CHST8: variants seen among roughly 807,000 people sequenced by gnomAD.
CHST8 encodes GALNAC-4-ST1.
CHST8 carries 10 observed loss-of-function variants against 15.0 expected under a neutral mutation model. That is an observed-to-expected ratio of 0.67 (90% CI 0.41 to 1.13). The LOEUF (loss-of-function observed/expected upper bound fraction) is 1.13. Among genes scored for constraint, CHST8 ranks in the 50% most tolerant of loss-of-function variants. The pLI, the probability that CHST8 is intolerant of heterozygous loss-of-function variation, is 0.00. For missense variants in CHST8, 634 were observed against 608.2 expected, an observed-to-expected ratio of 1.04 and a Z score of -0.45; for synonymous variants, 259 against 256.6, an observed-to-expected ratio of 1.01 and a Z score of -0.09.
intron 2 of CHST8, among the ~76,000 whole-genome samples, chr19:33,688,501 C>G (rs975671784): frequency 6.6e-6 from 1 of 152,162 alleles, no homozygotes; most frequent in Non-Finnish European, 1.5e-5. Context: ...GGGCCTCGAG[C>G]ACAGGGACTC....
At chr19:33,735,373 C>T (rs1208779855) in intron 3 of CHST8, among the ~76,000 whole-genome samples, 1 of 152,238 alleles carries the variant, frequency 6.6e-6, no homozygotes, top group East Asian at 1.9e-4. Flanking sequence ...CCCCTGGCAG[C>T]AGGAGAGTGT....
intron 3 of CHST8, among the ~76,000 whole-genome samples, chr19:33,735,024 G>A (rs999710818): frequency 9.8e-5 from 15 of 152,362 alleles, no homozygotes; most frequent in African/African-American, 2.9e-4. Flanking sequence ...TCCCAGCCCA[G>A]GCAAGAAGGA....
intron 4 of CHST8, 56 bp downstream of exon 4, chr19:33,771,506 A>G: frequency 6.4e-7 from 1 of 1,551,412 alleles, no homozygotes; most frequent in Admixed American, 1.7e-5. Context: ...GAAACTGGGG[A>G]GGGCTGGGAA....
At chr19:33,641,050 CCAG>C (rs1972277613) in intron 1 of CHST8, among the ~76,000 whole-genome samples, 1 of 152,190 alleles carries the variant, frequency 6.6e-6, no homozygotes, top group South Asian at 2.1e-4. Context: ...AAGGTCCCTC[CCAG>C]CACCAGAGCA....
chr19:33,772,640 C>A lies in CHST8; in HGVS notation c.852C>A (p.Gly284=). 6.2e-7 allele frequency: 1 copy of A among 1,613,964 alleles called. No individual in the cohort carries two copies. The highest frequency in any genetic ancestry group is 8.5e-7 in the Non-Finnish European group (1 of 1,180,026). Residue 284 remains glycine (G), a synonymous_variant, in exon 5 of 5, where the codon GGC becomes GGA. Transcript: ENST00000650847. ...ACAGCTACTATCACCCGGTCTTCGG[C>A]AAGGCCATCCTGGCCCGGTACCGCG... ...HPNSYYHPVF[G]KAILARYRAN... is the part of the protein sequence containing the mutation.
At chr19:33,725,600 G>A (rs893207384) in intron 3 of CHST8, among the ~76,000 whole-genome samples, 4 of 152,126 alleles carry the variant, frequency 2.6e-5, no homozygotes, top group South Asian at 2.1e-4. Flanking sequence ...CAAATGCGAC[G>A]CAAGCGAAAG....
chr19:33,751,085 G>A (rs1488575377), intron 3 of CHST8, among the ~76,000 whole-genome samples: 2 of 152,186 alleles, frequency 1.3e-5, no homozygotes, highest in African/African-American at 2.4e-5. Flanking sequence ...TGCAGAAAAT[G>A]GAACAAAATG....
intron 3 of CHST8, among the ~76,000 whole-genome samples, chr19:33,730,581 G>A (rs982912172): frequency 1.3e-5 from 2 of 152,228 alleles, no homozygotes; most frequent in Admixed American, 6.5e-5. Flanking sequence ...CAGACCCCAA[G>A]AGAGGGTTAT....
intron 3 of CHST8, among the ~76,000 whole-genome samples, chr19:33,733,976 G>A (rs1301835994): frequency 1.3e-5 from 2 of 152,238 alleles, no homozygotes; most frequent in South Asian, 2.1e-4. Context: ...TGTCAGAGGT[G>A]TGTAAACCAG....
At chr19:33,637,361 G>A (rs1972218229) in intron 1 of CHST8, among the ~76,000 whole-genome samples, 1 of 151,838 alleles carries the variant, frequency 6.6e-6, no homozygotes, top group Non-Finnish European at 1.5e-5. Flanking sequence ...TCTGACAGAA[G>A]GATCCCTGTG....
At chr19:33,761,998 A>T (rs1187030574) in intron 3 of CHST8, among the ~76,000 whole-genome samples, 1 of 152,176 alleles carries the variant, frequency 6.6e-6, no homozygotes, top group African/African-American at 2.4e-5. Flanking sequence ...TACATCACAC[A>T]CACAGGAAGC....
chr19:33,627,262 A>T (rs1260218231), intron 1 of CHST8, among the ~76,000 whole-genome samples: 2 of 145,104 alleles, frequency 1.4e-5, no homozygotes, highest in African/African-American at 5.0e-5. Flanking sequence ...CACCATGCCC[A>T]GCTAATTTTT....
chr19:33,749,766 G>A (rs1402057391), intron 3 of CHST8, among the ~76,000 whole-genome samples: 1 of 152,194 alleles, frequency 6.6e-6, no homozygotes, highest in Non-Finnish European at 1.5e-5. Flanking sequence ...TGAGCCAGGA[G>A]ACCCAGGGTC....
At chr19:33,761,911 G>A (rs983025665) in intron 3 of CHST8, among the ~76,000 whole-genome samples, 1 of 152,166 alleles carries the variant, frequency 6.6e-6, no homozygotes, top group Non-Finnish European at 1.5e-5. Flanking sequence ...ATGATCTGCT[G>A]TAAGCCATGT....
At chr19:33,770,498 C>G (rs1016882367) in intron 3 of CHST8, among the ~76,000 whole-genome samples, 1 of 152,202 alleles carries the variant, frequency 6.6e-6, no homozygotes, top group African/African-American at 2.4e-5. Context: ...AATAGATTCC[C>G]CCCAAAGGGA....
rs72103213 is a variant in CHST8 at position 33,765,053 on chromosome 19, CATAT to C, written c.131-6343_131-6340del. Among the ~76,000 whole-genome samples the C allele has an allele frequency of 1.1e-4, 10 of 87,658 alleles. 2 individuals carry two copies. Among genetic ancestry groups the C allele is most frequent in the African/African-American group, 3.0e-4 (5 of 16,612 alleles). The allele number at this position is 87,658 out of a possible 152,430, so 57.5% of individuals were successfully genotyped here. On this transcript the variant is annotated intron_variant, in intron 3 of 4. Transcript: ENST00000650847. ...TTTTTATGGCTAAGTACTATTCCAT[CATAT>C]ATATATATATATATATCAGAGTTTC...
intron 3 of CHST8, among the ~76,000 whole-genome samples, chr19:33,740,104 T>C (rs1472842266): frequency 1.3e-5 from 2 of 152,158 alleles, no homozygotes; most frequent in South Asian, 2.1e-4. Context: ...TTCCTGGAAT[T>C]TGATGCAAAT....
intron 3 of CHST8, among the ~76,000 whole-genome samples, chr19:33,744,793 G>GGCTA (rs1347974488): frequency 6.6e-6 from 1 of 152,056 alleles, no homozygotes; most frequent in African/African-American, 2.4e-5. Flanking sequence ...CTGTCGCCCA[G>GGCTA]GCTAGAGTAC....
At chr19:33,757,814 C>T (rs1004220212) in intron 3 of CHST8, among the ~76,000 whole-genome samples, 1 of 152,070 alleles carries the variant, frequency 6.6e-6, no homozygotes, top group African/African-American at 2.4e-5. Context: ...GCCCCAGCCT[C>T]CCGAGTAGCT....
Sources: allele counts gnomAD v4.1 joint callset (sites outside exome capture counted in the v4.1 genomes callset), GRCh38; gene constraint gnomAD v4.1.1; transcripts MANE v1.5; gene names NCBI Gene and HGNC (gene_info 2026-07-23, HGNC 2026-07-21).